KCNH8: variants seen among roughly 807,000 people sequenced by gnomAD.
KCNH8 encodes voltage-gated delayed rectifier potassium channel KCNH8.
KCNH8 carries 70 observed loss-of-function variants against 103.6 expected under a neutral mutation model. The observed-to-expected ratio is 0.68, with a 90% CI of 0.56 to 0.82. The LOEUF is 0.82. Ranked by LOEUF, KCNH8 falls within the 40% of genes least tolerant of loss-of-function variation. KCNH8 has a pLI of 0.00. For synonymous variants in KCNH8, 498 were observed against 489.4 expected (o/e 1.02, Z -0.23); for missense variants, 1,217 against 1,329.9 (o/e 0.92, Z 1.32).
chr3:19,385,291 C>G (rs528606399), intron 5 of KCNH8, among the ~76,000 whole-genome samples: 76 of 152,148 alleles, frequency 5.0e-4, no homozygotes, highest in Admixed American at 8.5e-4. Flanking sequence ...ATGTATTAAA[C>G]TATATGCACC....
intron 11 of KCNH8, among the ~76,000 whole-genome samples, chr3:19,461,252 T>C (rs2067622221): frequency 6.6e-6 from 1 of 152,178 alleles, no homozygotes; most frequent in African/African-American, 2.4e-5. Flanking sequence ...GTTTTATCCC[T>C]CAAAACTTCT....
chr3:19,500,438 A>C (rs2068553520), intron 11 of KCNH8, among the ~76,000 whole-genome samples: 1 of 152,200 alleles, frequency 6.6e-6, no homozygotes, highest in African/African-American at 2.4e-5. Flanking sequence ...AAGCGGACCT[A>C]ATAGACATCT....
chr3:19,452,112 C>T (rs113070872), intron 10 of KCNH8, among the ~76,000 whole-genome samples: 6,377 of 152,150 alleles, frequency 0.042, 315 homozygotes, highest in East Asian at 0.23. Context: ...AGGCTGGGCA[C>T]GGTGGCTCAT....
At chr3:19,484,095 G>A (rs1240938088) in intron 11 of KCNH8, among the ~76,000 whole-genome samples, 2 of 151,520 alleles carry the variant, frequency 1.3e-5, no homozygotes, top group African/African-American at 4.9e-5. Flanking sequence ...TATGCATTTG[G>A]GCACCCCCTT....
At chr3:19,301,603 C>T (rs1421385185) in intron 3 of KCNH8, among the ~76,000 whole-genome samples, 1 of 151,976 alleles carries the variant, frequency 6.6e-6, no homozygotes, top group South Asian at 2.1e-4. Context: ...AGCAATTCTC[C>T]AATTCTCTGT....
Position 19,438,222 on chromosome 3 carries a change from G to C in KCNH8, c.1236G>C (p.Leu412Phe), listed in dbSNP as rs753321841. 6.2e-7 allele frequency: 1 copy of C among 1,613,978 alleles called. No individual in the cohort carries two copies. The highest frequency in any genetic ancestry group is 8.5e-7 in the Non-Finnish European group (1 of 1,179,944). Residue 412 changes from leucine to phenylalanine, a missense_variant, in exon 8 of 16, where the codon TTG becomes TTC. Leu to Phe is a conservative substitution (Grantham distance 22). Transcript: ENST00000328405. ...LESPYYGNNT[L>F]GGPSIRSAYI... is the part of the protein sequence containing the mutation. ...CTCCATACTATGGCAACAATACCTT[G>C]GGGGGCCCGTCGATCCGAAGTGCCT...
chr3:19,253,561 G>A, intron 1 of KCNH8, 93 bp from the exon 2 acceptor site: 1 of 1,021,752 alleles, frequency 9.8e-7, no homozygotes, highest in South Asian at 1.4e-5. Flanking sequence ...TTGGCAGCTA[G>A]CTAAACACAT....
chr3:19,402,062 G>A (rs1375381452), intron 7 of KCNH8, among the ~76,000 whole-genome samples: 2 of 151,988 alleles, frequency 1.3e-5, no homozygotes, highest in Admixed American at 1.3e-4. Context: ...TATCATGTAA[G>A]TTTGAGAAAT....
chr3:19,263,762 T>C (rs1166741537), intron 2 of KCNH8, among the ~76,000 whole-genome samples: 3 of 152,024 alleles, frequency 2.0e-5, no homozygotes, highest in Middle Eastern at 3.4e-3. Context: ...ATTCTACCTC[T>C]TGATAAGAAG....
At chr3:19,348,973 G>A (rs983459984) in intron 5 of KCNH8, among the ~76,000 whole-genome samples, 1 of 151,880 alleles carries the variant, frequency 6.6e-6, no homozygotes, top group Admixed American at 6.6e-5. Context: ...TTTTCTGGTT[G>A]AATGTCAGCA....
intron 1 of KCNH8, among the ~76,000 whole-genome samples, chr3:19,167,652 G>A (rs1470474049): frequency 1.3e-5 from 2 of 152,120 alleles, no homozygotes; most frequent in Non-Finnish European, 2.9e-5. Flanking sequence ...TCCAGTTACT[G>A]TACACAGATT....
chr3:19,340,741 G>T (rs930101401), intron 3 of KCNH8, among the ~76,000 whole-genome samples: 2 of 152,064 alleles, frequency 1.3e-5, no homozygotes, highest in African/African-American at 4.8e-5. Flanking sequence ...CAACAGTTTG[G>T]CTATGCAGGG....
chr3:19,466,649 A>T lies in KCNH8; in HGVS notation c.2040+9667A>T, dbSNP rs371450636. ...GATTGTTAACATTTTGTAGCAATACATTTTTTTTTTTTTTTTTTTTTTTTT... is the reference window on the plus strand; with the variant it reads ...GATTGTTAACATTTTGTAGCAATACTTTTTTTTTTTTTTTTTTTTTTTTTT... On this transcript the variant is annotated intron_variant, in intron 11 of 15. Coordinates refer to ENST00000328405, the MANE Select transcript of KCNH8 (RefSeq NM_144633.3). Among the ~76,000 whole-genome samples, 101 of 50,634 alleles carry T rather than the reference A, an allele frequency of 2.0e-3. 1 individual carries two copies. Among genetic ancestry groups the T allele is most frequent in the African/African-American group, 8.3e-3 (83 of 9,944 alleles). The allele number at this position is 50,634 out of a possible 152,430, so 33.2% of individuals were successfully genotyped here.
In KCNH8 at chr3:19,451,036, G is replaced by C; in HGVS notation, c.1576-119G>C. 3 of 909,266 alleles carry C rather than the reference G, an allele frequency of 3.3e-6. No homozygotes were observed. In the South Asian group the frequency reaches 4.6e-5, roughly 14 times the overall value. The allele number at this position is 909,266 out of a possible 1,614,324, so 56.3% of individuals were successfully genotyped here. On this transcript the variant is annotated intron_variant, in intron 9 of 15. Coordinates refer to ENST00000328405, the MANE Select transcript of KCNH8 (RefSeq NM_144633.3). ...TATACATACTTAGATTTCCTCTTCT[G>C]TATGCTGGATGGCCAAACAGCAGGA... is the stretch of plus-strand genomic sequence containing the variant.
intron 11 of KCNH8, among the ~76,000 whole-genome samples, chr3:19,458,134 TTCAC>T (rs1321890366): frequency 2.0e-5 from 3 of 152,042 alleles, no homozygotes; most frequent in Admixed American, 2.0e-4. Context: ...CGTGTGTATG[TTCAC>T]ACATACTTGC....
intron 4 of KCNH8, among the ~76,000 whole-genome samples, chr3:19,343,236 A>C (rs1488920709): frequency 6.6e-6 from 1 of 152,154 alleles, no homozygotes; most frequent in Admixed American, 6.6e-5. Context: ...TTACAATTGC[A>C]TACCATACGT....
intron 11 of KCNH8, among the ~76,000 whole-genome samples, chr3:19,496,129 T>G (rs577497840): frequency 6.6e-6 from 1 of 152,212 alleles, no homozygotes; most frequent in Admixed American, 6.5e-5. Context: ...GATATAAAAT[T>G]ATATTGTCTG....
intron 2 of KCNH8, among the ~76,000 whole-genome samples, chr3:19,266,492 T>C (rs2064512502): frequency 6.6e-6 from 1 of 152,142 alleles, no homozygotes; most frequent in Admixed American, 6.6e-5. Flanking sequence ...TATGACCTTC[T>C]GTTTCACACA....
intron 3 of KCNH8, among the ~76,000 whole-genome samples, chr3:19,293,162 G>T (rs1180294671): frequency 2.0e-5 from 3 of 152,144 alleles, no homozygotes; most frequent in Non-Finnish European, 4.4e-5. Context: ...AGAGTGTAAA[G>T]TGAACTGCCC....
Sources: gnomAD v4.1 joint callset for allele counts (sites outside exome capture counted in the v4.1 genomes callset) on GRCh38, gnomAD v4.1.1 for gene constraint, MANE v1.5 for transcripts, NCBI Gene and HGNC (gene_info 2026-07-23, HGNC 2026-07-21) for gene names.